SHROOM3: variants seen among roughly 807,000 people sequenced by gnomAD.
SHROOM3 encodes the protein protein Shroom3.
Under a neutral mutation model 138.6 loss-of-function variants are expected in SHROOM3, and 47 were observed. The observed-to-expected ratio is 0.34, with a 90% CI of 0.27 to 0.43. The LOEUF (loss-of-function observed/expected upper bound fraction) is 0.43, where lower values mean the gene tolerates loss of function less well. Ranked by LOEUF, SHROOM3 falls within the 20% of genes least tolerant of loss-of-function variation. The probability of loss-of-function intolerance (pLI) is 1.00; values close to 1 mark genes in which losing one functional copy is unlikely to be tolerated. For synonymous variants in SHROOM3, 1,062 were observed against 1,063.3 expected (o/e 1.00, Z 0.02); for missense variants, 2,491 against 2,596.5 (o/e 0.96, Z 0.88).
In SHROOM3 at chr4:76,741,365, T is replaced by C. The variant is rs769651224; in HGVS notation, c.3192T>C (p.Asp1064=). 5.0e-6 allele frequency: 8 copies of C among 1,606,372 alleles called. No individual in the cohort carries two copies. In the African/African-American group the frequency reaches 9.4e-5, roughly 19 times the overall value. The change falls in exon 5 of 11, where the codon GAT becomes GAC. Residue 1064 remains aspartate, a synonymous_variant. Coordinates refer to ENST00000296043, the MANE Select transcript of SHROOM3 (RefSeq NM_020859.4). This position sits in a 1 kb window ranked among gnomAD's most constrained non-coding sequence, Gnocchi z 6.2. ...ACCGGCGCCGTCTCTTCGAGCGCGA[T>C]GGCAAGGCCTGCTCCACGCTCAGCC... The part of the protein sequence containing the change: ...VADRRRLFER[D]GKACSTLSLS...
intron 1 of SHROOM3, among the ~76,000 whole-genome samples, chr4:76,473,607 T>G (rs147551912): frequency 0.034 from 5,217 of 151,870 alleles, 102 homozygotes; most frequent in Middle Eastern, 0.071. Flanking sequence ...AGACTCTGTC[T>G]CAAAAAAAGA....
intron 1 of SHROOM3, among the ~76,000 whole-genome samples, chr4:76,550,007 T>C (rs1392194773): frequency 6.6e-6 from 1 of 152,132 alleles, no homozygotes; most frequent in African/African-American, 2.4e-5. Flanking sequence ...TTGCTGGAAA[T>C]TGGCTGACCT....
intron 1 of SHROOM3, among the ~76,000 whole-genome samples, chr4:76,447,879 T>C (rs571533863): frequency 3.2e-4 from 49 of 152,216 alleles, no homozygotes; most frequent in Non-Finnish European, 6.3e-4. Flanking sequence ...GTCAATAAAT[T>C]TGACCTTTAA....
intron 2 of SHROOM3, among the ~76,000 whole-genome samples, chr4:76,587,516 G>T (rs1466583200): frequency 6.6e-6 from 1 of 152,028 alleles, no homozygotes; most frequent in Admixed American, 6.6e-5. Context: ...ACAGCAATAG[G>T]GCAAACAGGT....
At chr4:76,660,347 T>C (rs562785419) in intron 2 of SHROOM3, among the ~76,000 whole-genome samples, 1 of 152,324 alleles carries the variant, frequency 6.6e-6, no homozygotes, top group Non-Finnish European at 1.5e-5. Flanking sequence ...TATCCCTCTA[T>C]GAGGGGCTCA....
At position 76,741,517 on chromosome 4, in the gene SHROOM3, G is replaced by T; in HGVS notation, c.3344G>T (p.Arg1115Leu). ...CAGGAGCCCGGGCCACTGCGTGAGCGCGCCCAGAGTGCCTACCTCCAGCCC... is the reference window on the plus strand; with the variant it reads ...CAGGAGCCCGGGCCACTGCGTGAGCTCGCCCAGAGTGCCTACCTCCAGCCC... ...SLQEPGPLRE[R>L]AQSAYLQPGP... The change falls in exon 5 of 11, where the codon CGC becomes CTC. Residue 1115 changes from arginine (R) to leucine (L), a missense_variant. Transcript: ENST00000296043. This position sits in a 1 kb window ranked among gnomAD's most constrained non-coding sequence, Gnocchi z 6.2. 1.3e-6 allele frequency: 2 copies of T among 1,553,560 alleles called. No individual in the cohort carries two copies. The highest frequency in any genetic ancestry group is 1.7e-6 in the Non-Finnish European group (2 of 1,155,614).
intron 2 of SHROOM3, among the ~76,000 whole-genome samples, chr4:76,685,676 T>G (rs545518507): frequency 6.6e-6 from 1 of 152,278 alleles, no homozygotes; most frequent in South Asian, 2.1e-4. Flanking sequence ...TAAGTAAAAT[T>G]TAGTAATATT....
At chr4:76,489,424 C>G (rs1324860606) in intron 1 of SHROOM3, among the ~76,000 whole-genome samples, 5 of 152,148 alleles carry the variant, frequency 3.3e-5, no homozygotes, top group Admixed American at 2.0e-4. Context: ...CCTGGCATGA[C>G]CTTTAATCTC....
At chr4:76,513,330 G>GGT (rs1732377237) in intron 1 of SHROOM3, among the ~76,000 whole-genome samples, 1 of 148,362 alleles carries the variant, frequency 6.7e-6, no homozygotes. Flanking sequence ...AAAATAATAT[G>GGT]TTTTTTTTTT....
At chr4:76,542,448 G>C (rs4629476) in intron 1 of SHROOM3, among the ~76,000 whole-genome samples, 1 of 152,224 alleles carries the variant, frequency 6.6e-6, no homozygotes, top group African/African-American at 2.4e-5. Flanking sequence ...CTGACCTCTA[G>C]ATTGGGGAGA....
At chr4:76,514,890 A>G (rs2110007162) in intron 1 of SHROOM3, among the ~76,000 whole-genome samples, 1 of 152,292 alleles carries the variant, frequency 6.6e-6, no homozygotes, top group Admixed American at 6.5e-5. Context: ...CAAGGAGTTC[A>G]AGACCAGCCT....
intron 2 of SHROOM3, among the ~76,000 whole-genome samples, chr4:76,596,853 T>TC (rs1734399503): frequency 6.6e-6 from 1 of 152,212 alleles, no homozygotes; most frequent in Non-Finnish European, 1.5e-5. Flanking sequence ...TGGCCCTGGC[T>TC]CACCCCGGAG....
At position 76,719,317 on chromosome 4, in the gene SHROOM3, C is replaced by A. The variant is rs889056994; in HGVS notation, c.455+9030C>A. On this transcript the variant is annotated intron_variant, in intron 3 of 10. Transcript: ENST00000296043. Reference sequence around the variant, plus strand: ...CAGAAAAACAGTATGGAAGAAAATTCTAAAATCATATCTGATATCTGGAGA... The same window carrying A: ...CAGAAAAACAGTATGGAAGAAAATTATAAAATCATATCTGATATCTGGAGA... 3.9e-5 allele frequency among the ~76,000 whole-genome samples: 6 copies of A among 152,336 alleles called. No homozygotes were observed. In the South Asian group the frequency reaches 6.2e-4, roughly 16 times the overall value.
In SHROOM3 at chr4:76,781,602, A is replaced by T. The variant is rs555085863; in HGVS notation, c.*2425A>T. On this transcript the variant is annotated 3_prime_UTR_variant, in exon 11 of 11. Coordinates refer to ENST00000296043, the MANE Select transcript of SHROOM3 (RefSeq NM_020859.4). ...TGAAATGGGTAAGGCACCAAGTGAGACTTTGAAATCTAATTTTTAGGTGGA... is the reference window on the plus strand; with the variant it reads ...TGAAATGGGTAAGGCACCAAGTGAGTCTTTGAAATCTAATTTTTAGGTGGA... The T allele has an allele frequency of 6.6e-6, 1 of 152,222 alleles. No homozygotes were observed. Among genetic ancestry groups the T allele is most frequent in the African/African-American group, 2.4e-5 (1 of 41,452 alleles). The allele number at this position is 152,222 out of a possible 1,614,324, so 9.4% of individuals were successfully genotyped here.
At chr4:76,658,874 CA>C (rs1350919647) in intron 2 of SHROOM3, among the ~76,000 whole-genome samples, 3 of 152,104 alleles carry the variant, frequency 2.0e-5, no homozygotes, top group Non-Finnish European at 4.4e-5. Context: ...CACACAAAAA[CA>C]AAACCCAAGG....
At chr4:76,763,386 CA>C (rs954681704) in intron 9 of SHROOM3, among the ~76,000 whole-genome samples, 144 of 139,596 alleles carry the variant, frequency 1.0e-3, no homozygotes, top group Admixed American at 1.1e-3. Flanking sequence ...GACTCCATCT[CA>C]AAAAAAAAAA....
chr4:76,492,692 T>C (rs1413712552), intron 1 of SHROOM3, among the ~76,000 whole-genome samples: 2 of 152,196 alleles, frequency 1.3e-5, no homozygotes, highest in African/African-American at 4.8e-5. Flanking sequence ...CCATTGTTGT[T>C]GATAAAAATG....
In SHROOM3 at chr4:76,749,081, C is replaced by G; in HGVS notation, c.3818C>G (p.Pro1273Arg). The G allele has an allele frequency of 6.2e-7, 1 of 1,613,904 alleles. No homozygotes were observed. Among genetic ancestry groups the G allele is most frequent in the South Asian group, 1.1e-5 (1 of 91,072 alleles). Residue 1273 changes from proline to arginine, a missense_variant, in exon 6 of 11, where the codon CCT becomes CGT. Transcript: ENST00000296043. ...AAGGATCCATGTTATTTGGCTGGTC[C>G]TGGATCTAGGTATGTACATGTACTT... ...LVKDPCYLAG[P>R]GSRSLSCSER... is the part of the protein sequence containing the mutation.
intron 1 of SHROOM3, among the ~76,000 whole-genome samples, chr4:76,536,259 T>C (rs902626391): frequency 6.6e-6 from 1 of 152,228 alleles, no homozygotes; most frequent in African/African-American, 2.4e-5. Flanking sequence ...GGACAGTTGA[T>C]GGAATTTTTA....
Sources: allele counts gnomAD v4.1 joint callset (sites outside exome capture counted in the v4.1 genomes callset), GRCh38; gene constraint gnomAD v4.1.1; non-coding constraint Gnocchi (gnomAD v3.1); transcripts MANE v1.5; gene names NCBI Gene and HGNC (gene_info 2026-07-23, HGNC 2026-07-21).